Variants in PKD1L1 observed in about 807,000 individuals in gnomAD.
PKD1L1 encodes polycystin 1 like 1, transient receptor potential channel interacting.
Under a neutral mutation model 323.4 loss-of-function variants are expected in PKD1L1, and 236 were observed. That is an observed-to-expected ratio of 0.73 (90% CI 0.66 to 0.81). The LOEUF (loss-of-function observed/expected upper bound fraction) is 0.81. Ranked by LOEUF, PKD1L1 falls within the 40% of genes least tolerant of loss-of-function variation. The pLI is 0.00. For missense variants in PKD1L1, 3,320 were observed against 3,508.0 expected, an observed-to-expected ratio of 0.95 and a Z score of 1.35; for synonymous variants, 1,344 against 1,335.0, an observed-to-expected ratio of 1.01 and a Z score of -0.15.
chr7:47,920,301 A>C lies in PKD1L1; in HGVS notation c.1061-4702T>G, dbSNP rs536431381. On this transcript the variant is annotated intron_variant, in intron 7 of 56. Coordinates refer to ENST00000289672, the MANE Select transcript of PKD1L1 (RefSeq NM_138295.5). Reference sequence around the variant, plus strand: ...AACCAAAACAAACAAACAAAAACAAAAAAAAAAAACCACTTAGGAATATAC... The same window carrying C: ...AACCAAAACAAACAAACAAAAACAACAAAAAAAAACCACTTAGGAATATAC... Among the ~76,000 whole-genome samples the C allele has an allele frequency of 9.2e-3, 1,288 of 139,716 alleles. 19 individuals carry two copies. Among genetic ancestry groups the C allele is most frequent in the African/African-American group, 0.04 (1,203 of 30,282 alleles). The allele number at this position is 139,716 out of a possible 152,430, so 91.7% of individuals were successfully genotyped here. A position where few individuals can be genotyped will look rare whatever the true frequency, so the allele number is the denominator to read the frequency against.
rs1786804092 is a variant in PKD1L1, at chr7:47,786,238, C to T, written c.8526+6389G>A. On this transcript the variant is annotated intron_variant, in intron 56 of 56. Transcript: ENST00000289672. Reference sequence around the variant, plus strand: ...AAATTTCTTTGACAGTCACCTGTGACGGGGGCTACGTAAACGCATTGGGAA... The same window carrying T: ...AAATTTCTTTGACAGTCACCTGTGATGGGGGCTACGTAAACGCATTGGGAA... Among the ~76,000 whole-genome samples, 3 of 152,106 alleles carry T rather than the reference C, an allele frequency of 2.0e-5. 1 individual carries two copies. The highest frequency in any genetic ancestry group is 7.2e-5 in the African/African-American group (3 of 41,428).
chr7:47,792,530 T>TG, intron 56 of PKD1L1, 97 bp downstream of exon 56: 1 of 1,219,900 alleles, frequency 8.2e-7, no homozygotes, highest in Non-Finnish European at 1.2e-6. Context: ...TTTATGCAAA[T>TG]GGACCTTATA....
At chr7:47,933,064 A>G (rs965759175) in intron 4 of PKD1L1, among the ~76,000 whole-genome samples, 1 of 152,218 alleles carries the variant, frequency 6.6e-6, no homozygotes, top group Admixed American at 6.5e-5. Flanking sequence ...CTATTAGATG[A>G]TGAGAAAGAA....
chr7:47,818,464 A>T (rs924748152), intron 46 of PKD1L1, among the ~76,000 whole-genome samples: 1 of 152,246 alleles, frequency 6.6e-6, no homozygotes, highest in Non-Finnish European at 1.5e-5. Flanking sequence ...TTGAGTTTGC[A>T]CCACTTTCGG....
At chr7:47,907,615 C>G (rs114596240) in intron 9 of PKD1L1, among the ~76,000 whole-genome samples, 1 of 152,120 alleles carries the variant, frequency 6.6e-6, no homozygotes, top group South Asian at 2.1e-4. Flanking sequence ...CAGTGAGCAC[C>G]GGATGCTTTC....
chr7:47,912,815 C>CAAAAAAAAAAA (rs59792729), intron 8 of PKD1L1, among the ~76,000 whole-genome samples: 3 of 63,636 alleles, frequency 4.7e-5, no homozygotes, highest in African/African-American at 1.3e-4. Context: ...GACTGTGTCT[C>CAAAAAAAAAAA]AAAAAAAAAA....
At chr7:47,927,764 G>T (rs1456482215) in intron 7 of PKD1L1, among the ~76,000 whole-genome samples, 2 of 152,138 alleles carry the variant, frequency 1.3e-5, no homozygotes, top group African/African-American at 4.8e-5. Flanking sequence ...AATGTAAATA[G>T]GACAAGAGTC....
chr7:47,798,550 G>A (rs1285539113), intron 54 of PKD1L1, among the ~76,000 whole-genome samples: 1 of 152,112 alleles, frequency 6.6e-6, no homozygotes, highest in Non-Finnish European at 1.5e-5. Context: ...GAGGTCAGGA[G>A]TTCGAGACCA....
Position 47,857,738 on chromosome 7 carries a change from G to C in PKD1L1, c.4457C>G (p.Ser1486Cys), listed in dbSNP as rs1785935753. Residue 1486 changes from serine to cysteine, a missense_variant, in exon 28 of 57, where the codon TCT (serine) becomes TGT (cysteine). Coordinates refer to ENST00000289672, the MANE Select transcript of PKD1L1 (RefSeq NM_138295.5). ...GTCACCAGGTAAATGCACCTGGACA[G>C]ATCCCAGGCTCTGGACAGAGCTCTG... The part of the protein sequence containing the change: ...NLQSSVQSLG[S>C]VQVHLPGDLA... The C allele has an allele frequency of 6.2e-7, 1 of 1,614,006 alleles. No homozygotes were observed. The highest frequency in any genetic ancestry group is 1.1e-5 in the South Asian group (1 of 91,082).
chr7:47,908,408 C>T (rs1332946489), intron 8 of PKD1L1, among the ~76,000 whole-genome samples, 158 bp from the exon 9 acceptor site: 3 of 152,192 alleles, frequency 2.0e-5, no homozygotes, highest in Admixed American at 6.5e-5. Flanking sequence ...ATTTCATGGG[C>T]ATGTGACCCA....
At chr7:47,804,000 T>C (rs1216773523) in intron 52 of PKD1L1, among the ~76,000 whole-genome samples, 4 of 152,184 alleles carry the variant, frequency 2.6e-5, no homozygotes, top group Middle Eastern at 3.2e-3. Flanking sequence ...CAGGGGCTTA[T>C]GGGGAAAGTA....
chr7:47,863,329 C>T (rs891372549), intron 26 of PKD1L1, among the ~76,000 whole-genome samples: 3 of 151,826 alleles, frequency 2.0e-5, no homozygotes, highest in Non-Finnish European at 2.9e-5. Flanking sequence ...GTTATACGTG[C>T]GTGTCTGGGG....
intron 23 of PKD1L1, among the ~76,000 whole-genome samples, chr7:47,874,706 G>A (rs892524029): frequency 5.7e-5 from 8 of 141,072 alleles, no homozygotes; most frequent in Non-Finnish European, 1.1e-4. Context: ...TCCTATGCAC[G>A]GATATAGAAA....
chr7:47,817,983 G>A (rs78200473), intron 46 of PKD1L1: 16,042 of 1,221,106 alleles, frequency 0.013, 141 homozygotes, highest in Non-Finnish European at 0.015. Flanking sequence ...TCAAGTATTT[G>A]ATCTTCATTG....
Position 47,904,510 on chromosome 7 carries a change from G to T in PKD1L1, c.1799C>A (p.Ser600Tyr). The change falls in exon 12 of 57, where the codon TCC (serine) becomes TAC (tyrosine). Residue 600 changes from serine to tyrosine, a missense_variant. By Grantham distance (144) the Ser-to-Tyr change is moderately radical. Coordinates refer to ENST00000289672, the MANE Select transcript of PKD1L1 (RefSeq NM_138295.5). ...CACACTGGCATTTACCAGAGCTGAG[G>T]AGGGGGACGTGAGCCGATTGGCCAC... is the stretch of plus-strand genomic sequence containing the variant. The part of the protein sequence containing the change: ...KIVANRLTSP[S>Y]SALVNASVAF... The T allele has an allele frequency of 6.2e-7, 1 of 1,614,208 alleles. No individual in the cohort carries two copies.
intron 3 of PKD1L1, among the ~76,000 whole-genome samples, chr7:47,937,320 G>A (rs1404057103): frequency 4.0e-5 from 6 of 151,418 alleles, no homozygotes; most frequent in Non-Finnish European, 7.4e-5. Flanking sequence ...TGTGTGTGAC[G>A]ACATCTAAGC....
rs749238074 is a variant in PKD1L1 at position 47,888,135 on chromosome 7, G to C, written c.2691C>G (p.Ser897=). 6 of 1,613,126 alleles carry C rather than the reference G, an allele frequency of 3.7e-6. No individual in the cohort carries two copies. The highest frequency in any genetic ancestry group is 5.1e-6 in the Non-Finnish European group (6 of 1,179,606). The change falls in exon 17 of 57, where the codon TCC becomes TCG. Residue 897 remains serine (S), a synonymous_variant. Coordinates refer to ENST00000289672, the MANE Select transcript of PKD1L1 (RefSeq NM_138295.5). The part of the protein sequence containing the change: ...PDSAFRFVHI[S]WVSFKDTFVN... ...CGAAGGTGTCTTTAAAGCTGACCCA[G>C]GAGATGTGGACGAATCTGAAATATA...
At position 47,881,976 on chromosome 7, in the gene PKD1L1, A is replaced by T; in HGVS notation, c.3375T>A (p.Pro1125=). The change falls in exon 20 of 57, where the codon CCT becomes CCA. Residue 1125 remains proline, a synonymous_variant. Coordinates refer to ENST00000289672, the MANE Select transcript of PKD1L1 (RefSeq NM_138295.5). ...DPSLSAGRAE[P]VLMIDWPKAL... is the part of the protein sequence containing the mutation. ...CCTTGGGCCAGTCAATCATGAGGAC[A>T]GGCTCGGCTCTGCCTGCAGACAGGG... The T allele has an allele frequency of 6.2e-7, 1 of 1,614,042 alleles. No individual in the cohort carries two copies. Among genetic ancestry groups the T allele is most frequent in the Non-Finnish European group, 8.5e-7 (1 of 1,179,986 alleles).
At chr7:47,844,956 TAA>T in intron 33 of PKD1L1, 37 bp downstream of exon 33, 2 of 1,546,722 alleles carry the variant, frequency 1.3e-6, no homozygotes, top group Admixed American at 3.6e-5. Context: ...GTAAAACAAA[TAA>T]AGTCTATGAA....
Sources: allele counts gnomAD v4.1 joint callset (sites outside exome capture counted in the v4.1 genomes callset), GRCh38; gene constraint gnomAD v4.1.1; transcripts MANE v1.5; gene names NCBI Gene and HGNC (gene_info 2026-07-23, HGNC 2026-07-21).